Variants in NEU3 observed in about 807,000 individuals in gnomAD.
The protein encoded by NEU3 is sialidase-3.
Under a neutral mutation model 11.4 loss-of-function variants are expected in NEU3, and 10 were observed. The observed-to-expected ratio is 0.88, with a 90% CI of 0.54 to 1.49. The LOEUF is 1.49. NEU3 is among the 40% of genes most tolerant of loss of function. NEU3 has a pLI of 0.00. For synonymous variants in NEU3, 212 were observed against 228.2 expected (o/e 0.93, Z 0.64); for missense variants, 529 against 581.8 (o/e 0.91, Z 0.93).
upstream of NEU3, among the ~76,000 whole-genome samples, chr11:74,986,252 T>G (rs1041280977): frequency 3.3e-5 from 5 of 152,374 alleles, no homozygotes; most frequent in Admixed American, 3.3e-4. Flanking sequence ...TTTATAATTT[T>G]TCACTATTAA....
Position 75,008,618 on chromosome 11 carries a change from A to G in NEU3, c.*2126A>G, listed in dbSNP as rs1591763366. On this transcript the variant is annotated 3_prime_UTR_variant, in exon 3 of 3. Transcript: ENST00000294064. ...CGCCCAGGCTGGAGTACAGTGGCAC[A>G]ATCTCAGCTCACTGCAGTCTCCGCC... 6.6e-6 allele frequency: 1 copy of G among 151,732 alleles called. No individual in the cohort carries two copies. The highest frequency in any genetic ancestry group is 1.9e-4 in the East Asian group (1 of 5,140). 9.4% of individuals were successfully genotyped at this position (151,732 alleles called of 1,614,324 possible). A position where few individuals can be genotyped will look rare whatever the true frequency, so the allele number is the denominator to read the frequency against.
Position 75,005,579 on chromosome 11 carries a change from G to C in NEU3, c.473G>C (p.Arg158Pro). ...QQIVSGRNAA[R>P]LCFIYSQDAG... ...ATTGTGTCAGGCAGGAATGCTGCCCGCCTTTGCTTCATCTACAGTCAGGAT... is the reference window on the plus strand; with the variant it reads ...ATTGTGTCAGGCAGGAATGCTGCCCCCCTTTGCTTCATCTACAGTCAGGAT... The change falls in exon 3 of 3, where the codon CGC (arginine) becomes CCC (proline). Residue 158 changes from arginine to proline, a missense_variant. Physicochemically the swap from Arg to Pro is moderately radical, Grantham distance 103. Coordinates refer to ENST00000294064, the MANE Select transcript of NEU3 (RefSeq NM_006656.6). 1 of 1,613,984 alleles carries C rather than the reference G, an allele frequency of 6.2e-7. No individual in the cohort carries two copies. The highest frequency in any genetic ancestry group is 2.2e-5 in the East Asian group (1 of 44,876).
the NEU3 span, among the ~76,000 whole-genome samples, chr11:74,981,878 C>G: frequency 9.3e-3 from 1,421 of 152,140 alleles, 26 homozygotes; most frequent in African/African-American, 0.032. Context: ...GGAAAGAGTC[C>G]TGAGAAAAGT....
At chr11:75,014,928 TAA>T (rs1426732886), downstream of NEU3, among the ~76,000 whole-genome samples, 1 of 152,214 alleles carries the variant, frequency 6.6e-6, no homozygotes, top group Admixed American at 6.5e-5. Context: ...TGCAGATAGA[TAA>T]AACTTTTTTA....
intron 3 of NEU3, among the ~76,000 whole-genome samples, chr11:75,017,144 T>C (rs1948983868): frequency 6.6e-6 from 1 of 152,186 alleles, no homozygotes; most frequent in South Asian, 2.1e-4. Context: ...AGCTATAATG[T>C]CCTTACAACT....
chr11:75,013,580 C>G (rs1017952261), downstream of NEU3, among the ~76,000 whole-genome samples: 1 of 152,132 alleles, frequency 6.6e-6, no homozygotes, highest in Non-Finnish European at 1.5e-5. Flanking sequence ...GAGGAACAAC[C>G]CAGCCTGGGT....
At chr11:74,996,118 C>T (rs1042409660) in intron 2 of NEU3, among the ~76,000 whole-genome samples, 3 of 152,118 alleles carry the variant, frequency 2.0e-5, no homozygotes, top group Non-Finnish European at 2.9e-5. Context: ...TGTGCCACTG[C>T]CCTCCCGCCT....
At chr11:75,014,241 G>A (rs1242767960), downstream of NEU3, among the ~76,000 whole-genome samples, 1 of 152,170 alleles carries the variant, frequency 6.6e-6, no homozygotes, top group Non-Finnish European at 1.5e-5. Context: ...TGAGAACCTG[G>A]ATTCTCTTAA....
chr11:75,005,321 TTTC>T, intron 2 of NEU3, 89 bp from the exon 3 acceptor site: 1 of 1,296,994 alleles, frequency 7.7e-7, no homozygotes, highest in Non-Finnish European at 1.0e-6. Context: ...ATATCATTTA[TTTC>T]TTATTTATGA....
At chr11:74,982,376 A>G in the NEU3 span, among the ~76,000 whole-genome samples, 1 of 152,200 alleles carries the variant, frequency 6.6e-6, no homozygotes, top group African/African-American at 2.4e-5. Flanking sequence ...GCTTACTGCC[A>G]ACAGAACACT....
In NEU3 at chr11:74,994,694, G is replaced by A. The variant is rs1433121408; in HGVS notation, c.280G>A (p.Gly94Arg). 1 of 1,614,040 alleles carries A rather than the reference G, an allele frequency of 6.2e-7. No homozygotes were observed. Residue 94 changes from glycine to arginine, a missense_variant, in exon 2 of 3, where the codon GGG becomes AGG. Physicochemically the swap from Gly to Arg is moderately radical, Grantham distance 125. Transcript: ENST00000294064. ...EDALHLVLRR[G>R]LRIGQLVQWG... is the part of the protein sequence containing the mutation. ...TGCTCTCCACCTGGTGCTGAGGCGA[G>A]GGTTGAGGATTGGGCAGTTGGTACA...
intron 3 of NEU3, among the ~76,000 whole-genome samples, chr11:75,017,730 A>G (rs1403335816): frequency 6.6e-6 from 1 of 152,112 alleles, no homozygotes; most frequent in Admixed American, 6.5e-5. Flanking sequence ...CTCCTCTCTC[A>G]GGGCTATGGG....
chr11:74,994,499 A>G lies in NEU3; in HGVS notation c.95-10A>G, dbSNP rs758524683. 9 of 1,593,490 alleles carry G rather than the reference A, an allele frequency of 5.6e-6. No individual in the cohort carries two copies. The African/African-American group carries it at 6.7e-5, about 12-fold the overall frequency. ...ATGGACACACATTAAGCTTCCTTCTATCCTTGCAGAGGTCATGGAAGAAGT... is the reference window on the plus strand; with the variant it reads ...ATGGACACACATTAAGCTTCCTTCTGTCCTTGCAGAGGTCATGGAAGAAGT... On this transcript the variant is annotated splice_polypyrimidine_tract_variant and intron_variant, in intron 1 of 2. Transcript: ENST00000294064.
At chr11:75,011,712 A>G (rs898690931), downstream of NEU3, among the ~76,000 whole-genome samples, 2 of 147,616 alleles carry the variant, frequency 1.4e-5, no homozygotes, top group Non-Finnish European at 3.0e-5. Context: ...AATTAGACAT[A>G]TCTATATATG....
At chr11:74,993,260 GT>G (rs1268769306) in intron 1 of NEU3, among the ~76,000 whole-genome samples, 2 of 152,168 alleles carry the variant, frequency 1.3e-5, no homozygotes, top group Non-Finnish European at 2.9e-5. Context: ...CTGGAGTGCA[GT>G]GGGGCAATCT....
intron 1 of NEU3, among the ~76,000 whole-genome samples, chr11:74,993,445 C>T (rs943808900): frequency 7.2e-5 from 11 of 152,180 alleles, no homozygotes; most frequent in African/African-American, 2.7e-4. Context: ...ACCTCGTGAT[C>T]CGCCCACCTT....
At chr11:75,015,269 G>C (rs1169217184), downstream of NEU3, among the ~76,000 whole-genome samples, 1 of 152,150 alleles carries the variant, frequency 6.6e-6, no homozygotes, top group Non-Finnish European at 1.5e-5. Context: ...GGTGCCATCT[G>C]TGAGGCAGAA....
At chr11:75,019,101 A>G (rs1948992140), downstream of NEU3, among the ~76,000 whole-genome samples, 1 of 152,232 alleles carries the variant, frequency 6.6e-6, no homozygotes, top group African/African-American at 2.4e-5. Context: ...GAAGCATTCA[A>G]GAGGTGACTT....
chr11:74,998,357 C>T (rs1447732012), intron 2 of NEU3, among the ~76,000 whole-genome samples: 3 of 152,164 alleles, frequency 2.0e-5, no homozygotes, highest in Non-Finnish European at 4.4e-5. Context: ...CACAAACCTT[C>T]AGTTTTGTGG....
Sources: gnomAD v4.1 joint callset for allele counts (sites outside exome capture counted in the v4.1 genomes callset) on GRCh38, gnomAD v4.1.1 for gene constraint, MANE v1.5 for transcripts, NCBI Gene and HGNC (gene_info 2026-07-23, HGNC 2026-07-21) for gene names.